PLEKHG4B: variants seen among roughly 807,000 people sequenced by gnomAD.
The protein encoded by PLEKHG4B is pleckstrin homology domain-containing family G member 4B.
A neutral mutation model predicts 121.3 loss-of-function variants in PLEKHG4B; 111 were observed. The observed-to-expected ratio is 0.92, with a 90% CI of 0.78 to 1.07. The LOEUF (loss-of-function observed/expected upper bound fraction) is 1.07. Ranked by LOEUF, PLEKHG4B falls within the 50% of genes least tolerant of loss-of-function variation. The probability of loss-of-function intolerance (pLI) is 0.00; values close to 1 mark genes in which losing one functional copy is unlikely to be tolerated. For synonymous variants in PLEKHG4B, 738 were observed against 725.0 expected (o/e 1.02, Z -0.29); for missense variants, 1,831 against 1,757.8 (o/e 1.04, Z -0.74).
At chr5:163,714 A>G (rs1736134538) in intron 13 of PLEKHG4B, among the ~76,000 whole-genome samples, 166 bp downstream of exon 13, 1 of 152,224 alleles carries the variant, frequency 6.6e-6, no homozygotes, top group African/African-American at 2.4e-5. Flanking sequence ...TAAACTAGAT[A>G]TGAGTTACCT....
chr5:152,937 C>G (rs1375949132), intron 7 of PLEKHG4B, among the ~76,000 whole-genome samples: 12 of 152,200 alleles, frequency 7.9e-5, no homozygotes, highest in Admixed American at 7.2e-4. Context: ...TTCTCCTTTG[C>G]CTTCTGCCAT....
chr5:95,031 G>A (rs145303753), intron 1 of PLEKHG4B, among the ~76,000 whole-genome samples: 165 of 152,276 alleles, frequency 1.1e-3, no homozygotes, highest in African/African-American at 3.9e-3. Flanking sequence ...TGCCTATGTC[G>A]TTGTGATATC....
chr5:153,967 A>G (rs1342502699), intron 7 of PLEKHG4B, among the ~76,000 whole-genome samples: 2 of 152,076 alleles, frequency 1.3e-5, no homozygotes, highest in African/African-American at 4.8e-5. Context: ...CTGGGATCAC[A>G]GGTGTCAGCC....
At position 155,222 on chromosome 5, in the gene PLEKHG4B, T is replaced by G. The variant is rs940141820; in HGVS notation, c.2110-123T>G. 7.3e-6 allele frequency: 7 copies of G among 955,396 alleles called. No homozygotes were observed. The African/African-American group carries it at 1.1e-4, about 15-fold the overall frequency. 59.2% of individuals were successfully genotyped at this position (955,396 alleles called of 1,614,324 possible). On this transcript the variant is annotated intron_variant, in intron 8 of 19. Transcript: ENST00000637938. ...GAAGTGTCTGTAGATCTCAGGGATC[T>G]TCACATATGGAAGCTTCCCAACCCG...
At chr5:178,893 A>G (rs1250414206) in intron 18 of PLEKHG4B, among the ~76,000 whole-genome samples, 1 of 152,226 alleles carries the variant, frequency 6.6e-6, no homozygotes, top group Non-Finnish European at 1.5e-5. Context: ...TATACTTTAA[A>G]TCATCTGTAG....
At chr5:95,908 A>G (rs1283881864) in intron 1 of PLEKHG4B, among the ~76,000 whole-genome samples, 1 of 152,132 alleles carries the variant, frequency 6.6e-6, no homozygotes, top group Non-Finnish European at 1.5e-5. Flanking sequence ...GCTGGTGGTG[A>G]TGACCCCACT....
At chr5:172,825 G>A (rs991811824) in intron 16 of PLEKHG4B, 72 bp from the exon 17 acceptor site, 34 of 1,533,702 alleles carry the variant, frequency 2.2e-5, no homozygotes, top group Admixed American at 1.8e-4. Flanking sequence ...ACATTTAGAC[G>A]GAGACAGTGA....
In PLEKHG4B at chr5:162,657, G is replaced by C. The variant is rs1016182864; in HGVS notation, c.2650-65G>C. 5.0e-6 allele frequency: 6 copies of C among 1,204,540 alleles called. No homozygotes were observed. The African/African-American group carries it at 7.9e-5, about 16-fold the overall frequency. 74.6% of individuals were successfully genotyped at this position (1,204,540 alleles called of 1,614,324 possible). On this transcript the variant is annotated intron_variant, in intron 12 of 19. Transcript: ENST00000637938. The stretch of plus-strand genomic sequence containing the variant: ...ATAGGCTGACCTGGGGAACAGCAGG[G>C]CCTGAGCTGGCTCCAGGGCAGCCCC...
At position 188,301 on chromosome 5, in the gene PLEKHG4B, C is replaced by G. The variant is rs1334637975; in HGVS notation, c.*5978C>G. On this transcript the variant is annotated 3_prime_UTR_variant, in exon 20 of 20. Transcript: ENST00000637938. ...AGACTGCGTGCTGTGTCAGAGTTTT[C>G]ACACCTGCCTGATGTCCTGGGGGGG... is the stretch of plus-strand genomic sequence containing the variant. 6.6e-6 allele frequency: 1 copy of G among 152,346 alleles called. No homozygotes were observed. The highest frequency in any genetic ancestry group is 1.9e-4 in the East Asian group (1 of 5,198). The allele number at this position is 152,346 out of a possible 1,614,324, so 9.4% of individuals were successfully genotyped here.
chr5:161,734 G>T, intron 11 of PLEKHG4B, 49 bp from the exon 12 acceptor site: 1 of 1,612,336 alleles, frequency 6.2e-7, no homozygotes, highest in South Asian at 1.1e-5. Flanking sequence ...CTGGAGACAT[G>T]AACGTGGAAG....
In PLEKHG4B at chr5:156,510, A is replaced by G. The variant is rs1041506431; in HGVS notation, c.2349-263A>G. ...TGCCCACCCCCAGCAGTCCCTGTCC[A>G]TCTCAGCTGCACACAGCCAGTCCCG... On this transcript the variant is annotated intron_variant, in intron 10 of 19. Transcript: ENST00000637938. The surrounding 1 kb of genome is among the most constrained non-coding windows in gnomAD (Gnocchi z 4.4). 5.9e-5 allele frequency among the ~76,000 whole-genome samples: 9 copies of G among 151,930 alleles called. No individual in the cohort carries two copies. The highest frequency in any genetic ancestry group is 1.2e-4 in the Non-Finnish European group (8 of 67,974).
intron 11 of PLEKHG4B, among the ~76,000 whole-genome samples, chr5:158,877 G>A (rs987508855): frequency 3.3e-5 from 5 of 152,214 alleles, no homozygotes; most frequent in Non-Finnish European, 5.9e-5. Context: ...TTACTTTGGC[G>A]TTTTATGCAG....
At chr5:174,134 A>T (rs754352990) in intron 18 of PLEKHG4B, 36 bp downstream of exon 18, 326 of 1,318,558 alleles carry the variant, frequency 2.5e-4, no homozygotes, top group Middle Eastern at 6.9e-4. Flanking sequence ...TGCCAGGCTC[A>T]GGGGCACAGC....
intron 2 of PLEKHG4B, among the ~76,000 whole-genome samples, chr5:135,187 C>CAAAAAAAA (rs35601775): frequency 6.2e-5 from 3 of 48,780 alleles, no homozygotes; most frequent in African/African-American, 1.9e-4. Context: ...GACTCCAGCT[C>CAAAAAAAA]AAAAAAAAAA....
At chr5:127,340 T>TTTTTTA (rs146821461) in intron 2 of PLEKHG4B, among the ~76,000 whole-genome samples, 43 of 135,562 alleles carry the variant, frequency 3.2e-4, no homozygotes, top group African/African-American at 9.6e-4. Context: ...ATTGTTGGTT[T>TTTTTTA]TTATTATTAT....
At position 169,464 on chromosome 5, in the gene PLEKHG4B, C is replaced by G; in HGVS notation, c.3601C>G (p.Arg1201Gly). Reference protein sequence around the residue: ...MERMDLPQGLRGKHHVIFGNL... With the variant: ...MERMDLPQGLGGKHHVIFGNL... ...AAGAATGGACTTGCCCCAGGGCCTTCGAGGGAAGCACCACGTTATTTTCGG... is the reference window on the plus strand; with the variant it reads ...AAGAATGGACTTGCCCCAGGGCCTTGGAGGGAAGCACCACGTTATTTTCGG... Residue 1201 changes from arginine to glycine, a missense_variant, in exon 14 of 20, where the codon CGA becomes GGA. By Grantham distance (125) the Arg-to-Gly change is moderately radical. Coordinates refer to ENST00000637938, the MANE Select transcript of PLEKHG4B (RefSeq NM_052909.5). 1 of 1,614,188 alleles carries G rather than the reference C, an allele frequency of 6.2e-7. No individual in the cohort carries two copies. The highest frequency in any genetic ancestry group is 8.5e-7 in the Non-Finnish European group (1 of 1,180,048).
chr5:182,243 C>A lies in PLEKHG4B; in HGVS notation c.4804C>A (p.Pro1602Thr), dbSNP rs754882764. 2 of 1,613,656 alleles carry A rather than the reference C, an allele frequency of 1.2e-6. No individual in the cohort carries two copies. The highest frequency in any genetic ancestry group is 1.7e-6 in the Non-Finnish European group (2 of 1,180,022). ...RACVEEDEPE[P>T]ELETGTQAAV... Reference sequence around the variant, plus strand: ...CTGCGTCGAGGAAGATGAGCCAGAGCCAGAACTAGAGACGGGCACCCAGGC... The same window carrying A: ...CTGCGTCGAGGAAGATGAGCCAGAGACAGAACTAGAGACGGGCACCCAGGC... The change falls in exon 20 of 20, where the codon CCA (proline) becomes ACA (threonine). Residue 1602 changes from proline to threonine, a missense_variant. By Grantham distance (38) the Pro-to-Thr change is conservative (BLOSUM62 -1). Transcript: ENST00000637938.
intron 6 of PLEKHG4B, among the ~76,000 whole-genome samples, chr5:148,263 T>A (rs1356677330): frequency 1.4e-5 from 2 of 148,032 alleles, no homozygotes; most frequent in Non-Finnish European, 3.0e-5. Context: ...AGAAGAGGCA[T>A]CCAAACTGGA....
At chr5:155,035 G>C in intron 8 of PLEKHG4B, 44 bp downstream of exon 8, 1 of 1,494,150 alleles carries the variant, frequency 6.7e-7, no homozygotes, top group Non-Finnish European at 9.3e-7. Context: ...AGTCTCTGGG[G>C]ACTTTCTGTT....
Sources: gnomAD v4.1 joint callset for allele counts (sites outside exome capture counted in the v4.1 genomes callset) on GRCh38, gnomAD v4.1.1 for gene constraint, Gnocchi (gnomAD v3.1) non-coding constraint, MANE v1.5 for transcripts, NCBI Gene and HGNC (gene_info 2026-07-23, HGNC 2026-07-21) for gene names.